The following ANTXR2 variants were observed in gnomAD, a reference collection of about 807,000 sequenced individuals.
ANTXR2 encodes ANTXR cell adhesion molecule 2.
In ANTXR2, 44 loss-of-function variants were observed where a neutral mutation model predicts 73.7. The ratio of observed to expected loss-of-function variants is 0.60; its 90% CI spans 0.47 to 0.77. The LOEUF is 0.77. Ranked by LOEUF, ANTXR2 falls within the 30% of genes least tolerant of loss-of-function variation. The probability of loss-of-function intolerance (pLI) is 0.00; values close to 1 mark genes in which losing one functional copy is unlikely to be tolerated. For missense variants in ANTXR2, 604 were observed against 592.5 expected, an observed-to-expected ratio of 1.02 and a Z score of -0.20; for synonymous variants, 217 against 205.9, an observed-to-expected ratio of 1.05 and a Z score of -0.46.
chr4:80,010,819 TATC>T (rs1354312419), intron 11 of ANTXR2, among the ~76,000 whole-genome samples: 23 of 152,132 alleles, frequency 1.5e-4, no homozygotes, highest in Admixed American at 5.9e-4. Flanking sequence ...ATTACAATAT[TATC>T]ATATCGACTG....
intron 6 of ANTXR2, 147 bp downstream of exon 6, chr4:80,055,003 G>T: frequency 1.5e-6 from 1 of 650,354 alleles, no homozygotes; most frequent in Non-Finnish European, 2.6e-6. Context: ...CATTATTAAG[G>T]TAGTACTCAA....
At chr4:80,018,772 G>T in intron 11 of ANTXR2, 126 bp downstream of exon 11, 1 of 792,608 alleles carries the variant, frequency 1.3e-6, no homozygotes, top group Non-Finnish European at 1.9e-6. Flanking sequence ...ATTTTTCCTT[G>T]TAATGGTCTC....
chr4:80,029,874 A>G (rs761751688), intron 10 of ANTXR2, among the ~76,000 whole-genome samples: 3 of 151,832 alleles, frequency 2.0e-5, no homozygotes, highest in Non-Finnish European at 4.4e-5. Context: ...GAGTAGAAAG[A>G]GCAAATAGAA....
In ANTXR2 at chr4:79,903,836, G is replaced by A. The variant is rs1332209099; in HGVS notation, c.*3593C>T. On this transcript the variant is annotated 3_prime_UTR_variant, in exon 17 of 17. Transcript: ENST00000403729. ...TATGTATTTCCTTTCATATTGAAAT[G>A]ATGCATATATTTCTTTCCTGTGTAC... 6.6e-6 allele frequency: 1 copy of A among 152,116 alleles called. No homozygotes were observed. The highest frequency in any genetic ancestry group is 1.5e-5 in the Non-Finnish European group (1 of 68,016). The allele number at this position is 152,116 out of a possible 1,614,324, so 9.4% of individuals were successfully genotyped here. A position where few individuals can be genotyped will look rare whatever the true frequency, so the allele number is the denominator to read the frequency against.
At chr4:79,984,780 A>G in intron 13 of ANTXR2, 39 bp downstream of exon 13, 1 of 1,570,356 alleles carries the variant, frequency 6.4e-7, no homozygotes, top group Non-Finnish European at 8.7e-7. Flanking sequence ...CATTTGGAAA[A>G]AAAAAACAGC....
intron 16 of ANTXR2, among the ~76,000 whole-genome samples, chr4:79,960,656 G>A (rs1729107588): frequency 6.6e-6 from 1 of 151,442 alleles, no homozygotes; most frequent in Non-Finnish European, 1.5e-5. Flanking sequence ...CTTTTTTTAT[G>A]TTATTTGCAA....
At chr4:80,068,979 T>G (rs1430247182) in intron 3 of ANTXR2, among the ~76,000 whole-genome samples, 1 of 152,180 alleles carries the variant, frequency 6.6e-6, no homozygotes, top group Non-Finnish European at 1.5e-5. Context: ...AGTTCCCTTA[T>G]AAAGGTGAAT....
intron 2 of ANTXR2, 107 bp from the exon 3 acceptor site, chr4:80,069,614 T>A: frequency 1.3e-6 from 1 of 789,112 alleles, no homozygotes; most frequent in South Asian, 1.8e-5. Context: ...CACTGAATGG[T>A]CCAGGCTTCT....
chr4:79,961,928 T>C (rs1729160076), intron 16 of ANTXR2, among the ~76,000 whole-genome samples: 1 of 152,142 alleles, frequency 6.6e-6, no homozygotes, highest in Non-Finnish European at 1.5e-5. Flanking sequence ...AGAAAATGTA[T>C]ATGACTCCAC....
intron 12 of ANTXR2, among the ~76,000 whole-genome samples, chr4:80,000,013 G>A (rs1300204464): frequency 6.6e-6 from 1 of 151,884 alleles, no homozygotes; most frequent in Admixed American, 6.6e-5. Flanking sequence ...TGTGGGCAGG[G>A]TAAAAAAATC....
chr4:79,996,809 C>T (rs972606848), intron 12 of ANTXR2, among the ~76,000 whole-genome samples: 2 of 152,054 alleles, frequency 1.3e-5, no homozygotes, highest in Admixed American at 1.3e-4. Flanking sequence ...TATTCATATG[C>T]ACCATATTTT....
At chr4:79,993,760 G>GCACACACGCA (rs1553931144) in intron 12 of ANTXR2, among the ~76,000 whole-genome samples, 1 of 140,658 alleles carries the variant, frequency 7.1e-6, no homozygotes, top group African/African-American at 2.6e-5. Context: ...ACACACACAC[G>GCACACACGCA]CACACACACA....
At chr4:80,043,117 C>T (rs746756715) in intron 7 of ANTXR2, among the ~76,000 whole-genome samples, 1 of 151,902 alleles carries the variant, frequency 6.6e-6, no homozygotes, top group Non-Finnish European at 1.5e-5. Flanking sequence ...TACAATGTGT[C>T]TTATTCCATA....
At chr4:80,047,610 C>T (rs1175726807) in intron 7 of ANTXR2, among the ~76,000 whole-genome samples, 1 of 151,682 alleles carries the variant, frequency 6.6e-6, no homozygotes, top group Non-Finnish European at 1.5e-5. Flanking sequence ...GAGCTCATGA[C>T]TCAACCGAAT....
At chr4:79,957,255 C>T (rs927803751) in intron 16 of ANTXR2, among the ~76,000 whole-genome samples, 4 of 152,048 alleles carry the variant, frequency 2.6e-5, no homozygotes, top group Non-Finnish European at 5.9e-5. Flanking sequence ...TTATTATCCA[C>T]AGACTATAAA....
intron 16 of ANTXR2, among the ~76,000 whole-genome samples, chr4:79,943,611 GC>G (rs1300193848): frequency 9.8e-6 from 1 of 101,832 alleles, no homozygotes; most frequent in Non-Finnish European, 2.0e-5. Context: ...GGGAGGGATA[GC>G]ATTGGGAGAT....
chr4:80,013,980 C>T (rs955347853), intron 11 of ANTXR2, among the ~76,000 whole-genome samples: 28 of 152,158 alleles, frequency 1.8e-4, no homozygotes, highest in South Asian at 4.1e-4. Context: ...TTGGCAGACA[C>T]GGGGAGATCA....
At chr4:80,001,317 TC>T (rs1450293129) in intron 12 of ANTXR2, among the ~76,000 whole-genome samples, 1 of 58,124 alleles carries the variant, frequency 1.7e-5, no homozygotes, top group Non-Finnish European at 3.2e-5. Flanking sequence ...CCCTCCCCCC[TC>T]CCCCCACCCC....
chr4:80,069,506 G>A lies in ANTXR2; in HGVS notation c.226C>T (p.Pro76Ser), dbSNP rs770751585. 2.5e-6 allele frequency: 4 copies of A among 1,595,536 alleles called. No homozygotes were observed. In the East Asian group the frequency reaches 9.0e-5, roughly 36 times the overall value. The change falls in exon 3 of 17, where the codon CCT becomes TCT. Residue 76 changes from proline (P) to serine (S), a missense_variant and splice_region_variant. Coordinates refer to ENST00000403729, the MANE Select transcript of ANTXR2 (RefSeq NM_058172.6). ...VQQLAERFVS[P>S]EMRLSFIVFS... Reference sequence around the variant, plus strand: ...ACAATGAAAGATAATCTCATTTCAGGGCTGCAAAATAAGAAAAGAGGCAGT... The same window carrying A: ...ACAATGAAAGATAATCTCATTTCAGAGCTGCAAAATAAGAAAAGAGGCAGT...
Sources: gnomAD v4.1 joint callset for allele counts (sites outside exome capture counted in the v4.1 genomes callset) on GRCh38, gnomAD v4.1.1 for gene constraint, MANE v1.5 for transcripts, NCBI Gene and HGNC (gene_info 2026-07-23, HGNC 2026-07-21) for gene names.